PALLD: variants seen among roughly 807,000 people sequenced by gnomAD.
PALLD encodes palladin, cytoskeletal associated protein.
Under a neutral mutation model 123.5 loss-of-function variants are expected in PALLD, and 61 were observed. The observed-to-expected ratio is 0.49, with a 90% confidence interval of 0.40 to 0.61. The LOEUF is 0.61. PALLD is among the 20% of genes least tolerant of loss of function. PALLD has a pLI of 0.00. For synonymous variants in PALLD, 465 were observed against 496.4 expected (o/e 0.94, Z 0.84); for missense variants, 1,273 against 1,377.0 (o/e 0.92, Z 1.20).
chr4:168,611,961 A>G (rs1339866276), intron 2 of PALLD, among the ~76,000 whole-genome samples: 1 of 152,112 alleles, frequency 6.6e-6, no homozygotes, highest in Non-Finnish European at 1.5e-5. Context: ...GGAGTTCAAG[A>G]CCAGCCTGGG....
At chr4:168,855,423 G>C (rs1392806243) in intron 10 of PALLD, among the ~76,000 whole-genome samples, 1 of 152,136 alleles carries the variant, frequency 6.6e-6, no homozygotes, top group Non-Finnish European at 1.5e-5. Context: ...CAAAATGAGT[G>C]ATTAACATGT....
chr4:168,511,325 T>C, intron 1 of PALLD, 98 bp from the exon 2 acceptor site: 1 of 596,466 alleles, frequency 1.7e-6, no homozygotes. Context: ...CTTATATTCA[T>C]TCACTTTAAT....
At chr4:168,693,842 A>G (rs1364230955) in intron 8 of PALLD, among the ~76,000 whole-genome samples, 1 of 152,156 alleles carries the variant, frequency 6.6e-6, no homozygotes, top group African/African-American at 2.4e-5. Flanking sequence ...AGCCGTTGGC[A>G]TGCAGCATTA....
intron 10 of PALLD, among the ~76,000 whole-genome samples, chr4:168,779,114 T>C (rs1735556694): frequency 6.6e-6 from 1 of 152,224 alleles, no homozygotes; most frequent in African/African-American, 2.4e-5. Context: ...TAACTAGACA[T>C]CAGAATATAT....
chr4:168,839,400 G>A (rs1384434566), intron 10 of PALLD, among the ~76,000 whole-genome samples: 1 of 152,146 alleles, frequency 6.6e-6, no homozygotes, highest in East Asian at 1.9e-4. Flanking sequence ...GCACACTGTT[G>A]TGGGCGCTCT....
chr4:168,675,077 C>A (rs1361937385), intron 3 of PALLD, among the ~76,000 whole-genome samples: 3 of 152,200 alleles, frequency 2.0e-5, no homozygotes, highest in Non-Finnish European at 4.4e-5. Flanking sequence ...AAAATAAATA[C>A]AGACATCTCA....
intron 10 of PALLD, among the ~76,000 whole-genome samples, chr4:168,833,402 C>T (rs1469635342): frequency 1.3e-5 from 2 of 152,120 alleles, no homozygotes; most frequent in African/African-American, 2.4e-5. Context: ...ATTCATCAAC[C>T]TGGGAGTCTC....
intron 2 of PALLD, among the ~76,000 whole-genome samples, chr4:168,654,089 G>A (rs901552591): frequency 1.3e-5 from 2 of 152,172 alleles, no homozygotes; most frequent in East Asian, 1.9e-4. Flanking sequence ...CTAAGTAGCT[G>A]GGACTACACA....
At position 168,924,569 on chromosome 4, in the gene PALLD, C is replaced by T. The variant is rs4396955; in HGVS notation, c.3224+149C>T. ...AAATCAATCAAAGACAAAAACCATG[C>T]GTTACCCAATGTAGGATTAAGCTTT... On this transcript the variant is annotated intron_variant, in intron 19 of 21. Coordinates refer to ENST00000505667, the MANE Select transcript of PALLD (RefSeq NM_001166108.2). The T allele has an allele frequency of 0.12, 94,697 of 822,948 alleles. 6,509 individuals carry two copies. Among genetic ancestry groups the T allele is most frequent in the African/African-American group, 0.25 (14,561 of 58,722 alleles). The allele number at this position is 822,948 out of a possible 1,614,324, so 51.0% of individuals were successfully genotyped here.
chr4:168,591,501 C>T (rs1162953392), intron 2 of PALLD, among the ~76,000 whole-genome samples: 1 of 152,174 alleles, frequency 6.6e-6, no homozygotes, highest in Non-Finnish European at 1.5e-5. Context: ...CATAGTATAA[C>T]TCACACTTAG....
chr4:168,829,240 TG>T (rs1743851617), intron 10 of PALLD: 2 of 152,374 alleles, frequency 1.3e-5, no homozygotes, highest in East Asian at 3.9e-4. Flanking sequence ...AAGTGAAAAC[TG>T]GTCCACGTGT....
intron 10 of PALLD, among the ~76,000 whole-genome samples, chr4:168,724,168 A>G (rs1786312658): frequency 6.6e-6 from 1 of 152,144 alleles, no homozygotes; most frequent in African/African-American, 2.4e-5. Context: ...CCAATTCCTC[A>G]TTTGTGTATT....
intron 10 of PALLD, among the ~76,000 whole-genome samples, chr4:168,824,810 A>T (rs1449711184): frequency 6.9e-6 from 1 of 145,794 alleles, no homozygotes; most frequent in East Asian, 2.0e-4. Flanking sequence ...TATATATCAG[A>T]TAAATTCTTT....
chr4:168,528,870 A>T (rs1172595379), intron 2 of PALLD, among the ~76,000 whole-genome samples: 1 of 152,182 alleles, frequency 6.6e-6, no homozygotes, highest in African/African-American at 2.4e-5. Flanking sequence ...CACGTCTGTT[A>T]TCCTGGAATG....
intron 3 of PALLD, among the ~76,000 whole-genome samples, chr4:168,675,656 A>G (rs1780759586): frequency 6.6e-6 from 1 of 152,228 alleles, no homozygotes; most frequent in African/African-American, 2.4e-5. Context: ...TGAGTGGGTT[A>G]ATCCACTGGG....
chr4:168,637,320 C>T (rs1160118818), intron 2 of PALLD, among the ~76,000 whole-genome samples: 1 of 151,986 alleles, frequency 6.6e-6, no homozygotes, highest in Non-Finnish European at 1.5e-5. Flanking sequence ...GGCTGGTGTA[C>T]CAGTTAGTGT....
chr4:168,592,325 A>T (rs1258024517), intron 2 of PALLD, among the ~76,000 whole-genome samples: 1 of 152,008 alleles, frequency 6.6e-6, no homozygotes, highest in Non-Finnish European at 1.5e-5. Context: ...CGCCCAGCCT[A>T]TTATGGATTT....
chr4:168,540,249 CATCTCAACGTTTCACAT>C (rs1437149227), intron 2 of PALLD, among the ~76,000 whole-genome samples: 2 of 152,146 alleles, frequency 1.3e-5, no homozygotes, highest in East Asian at 3.8e-4. Flanking sequence ...TATCAGATTC[CATCTCAACGTTTCACAT>C]TCACAGGCAG....
rs528071394 is a variant in PALLD, at chr4:168,788,276, A to G, written c.1964+76353A>G. 2.0e-5 allele frequency among the ~76,000 whole-genome samples: 3 copies of G among 149,194 alleles called. No individual in the cohort carries two copies. In the South Asian group the frequency reaches 6.4e-4, roughly 32 times the overall value. On this transcript the variant is annotated intron_variant, in intron 10 of 21. Coordinates refer to ENST00000505667, the MANE Select transcript of PALLD (RefSeq NM_001166108.2). Reference sequence around the variant, plus strand: ...AAAAATGTGTAGAAAAGGAAAATACATAATGACTGGTTATTATTCTACTTT... The same window carrying G: ...AAAAATGTGTAGAAAAGGAAAATACGTAATGACTGGTTATTATTCTACTTT...
Sources: allele counts gnomAD v4.1 joint callset (sites outside exome capture counted in the v4.1 genomes callset), GRCh38; gene constraint gnomAD v4.1.1; transcripts MANE v1.5; gene names NCBI Gene and HGNC (gene_info 2026-07-23, HGNC 2026-07-21).